Variants in ENOX1 observed in about 807,000 individuals in gnomAD.
ENOX1 encodes ecto-NOX disulfide-thiol exchanger 1.
ENOX1 carries 42 observed loss-of-function variants against 82.5 expected under a neutral mutation model. That is an observed-to-expected ratio of 0.51 (90% CI 0.40 to 0.66). ENOX1 has a LOEUF of 0.66. ENOX1 is among the 30% of genes least tolerant of loss of function. The pLI is 0.00. For missense variants in ENOX1, 608 were observed against 811.6 expected (o/e 0.75, Z 3.05); for synonymous variants, 271 against 282.2 (o/e 0.96, Z 0.40).
At chr13:43,506,549 T>A (rs561118687) in intron 2 of ENOX1, among the ~76,000 whole-genome samples, 1 of 135,354 alleles carries the variant, frequency 7.4e-6, no homozygotes, top group African/African-American at 2.7e-5. Flanking sequence ...ATGTTTATTG[T>A]GGCACTATTC....
intron 1 of ENOX1, among the ~76,000 whole-genome samples, chr13:43,700,318 G>A (rs2086846994): frequency 6.6e-6 from 1 of 152,008 alleles, no homozygotes. Flanking sequence ...ATTTTCTTGG[G>A]TTTTCGAGAT....
intron 1 of ENOX1, among the ~76,000 whole-genome samples, chr13:43,708,470 A>G (rs1222786952): frequency 6.6e-6 from 1 of 152,156 alleles, no homozygotes; most frequent in African/African-American, 2.4e-5. Context: ...AAAACTTTTT[A>G]ATAAACTTTG....
intron 6 of ENOX1, among the ~76,000 whole-genome samples, 194 bp from the exon 7 acceptor site, chr13:43,360,251 T>G (rs554390252): frequency 1.3e-5 from 2 of 152,330 alleles, no homozygotes; most frequent in South Asian, 4.1e-4. Flanking sequence ...CTTTACTTTC[T>G]GTGTTCATTG....
rs149442053 is a variant in ENOX1 at position 43,761,929 on chromosome 13, T to C, written c.-285+24723A>G. Among the ~76,000 whole-genome samples, 336 of 152,320 alleles carry C rather than the reference T, an allele frequency of 2.2e-3. 3 individuals carry two copies. The highest frequency in any genetic ancestry group is 7.8e-3 in the African/African-American group (323 of 41,580). On this transcript the variant is annotated intron_variant, in intron 1 of 16. Transcript: ENST00000690772. ...TCTCTAGGGTCATGCTGCCTCCTCC[T>C]ACAAATATAATTAATGCATATTCTC...
intron 2 of ENOX1, among the ~76,000 whole-genome samples, chr13:43,611,685 T>C (rs1594090184): frequency 6.6e-6 from 1 of 152,358 alleles, no homozygotes; most frequent in East Asian, 1.9e-4. Flanking sequence ...TTATTTCTAA[T>C]GCATTCTGGC....
chr13:43,739,560 A>AATT (rs10596810), intron 1 of ENOX1, among the ~76,000 whole-genome samples: 2 of 150,290 alleles, frequency 1.3e-5, no homozygotes, highest in African/African-American at 4.9e-5. Flanking sequence ...AAATAATAAT[A>AATT]ATTATTATTA....
At chr13:43,584,693 T>C (rs911646515) in intron 2 of ENOX1, among the ~76,000 whole-genome samples, 6 of 152,200 alleles carry the variant, frequency 3.9e-5, no homozygotes, top group Admixed American at 1.3e-4. Flanking sequence ...TCATTCTGAA[T>C]ACAAGAGTTC....
At chr13:43,416,688 G>A (rs939899575) in intron 3 of ENOX1, among the ~76,000 whole-genome samples, 2 of 148,726 alleles carry the variant, frequency 1.3e-5, no homozygotes, top group Non-Finnish European at 1.5e-5. Context: ...CTTCCCAGAT[G>A]GGGTGGCGGC....
chr13:43,309,955 G>A (rs1167778226), intron 11 of ENOX1, among the ~76,000 whole-genome samples: 2 of 152,154 alleles, frequency 1.3e-5, no homozygotes, highest in African/African-American at 4.8e-5. Flanking sequence ...TGTAATCCCA[G>A]CACTTTGGGA....
intron 2 of ENOX1, among the ~76,000 whole-genome samples, chr13:43,600,616 GAA>G (rs2081666664): frequency 1.3e-5 from 2 of 152,170 alleles, no homozygotes; most frequent in Admixed American, 1.3e-4. Context: ...CTAACAGGAA[GAA>G]CACAAACTTG....
At chr13:43,564,186 G>A (rs2079814990) in intron 2 of ENOX1, among the ~76,000 whole-genome samples, 1 of 152,036 alleles carries the variant, frequency 6.6e-6, no homozygotes, top group Non-Finnish European at 1.5e-5. Context: ...AATCATTAAT[G>A]AAATTGAAGA....
chr13:43,625,548 A>C (rs2082927444), intron 2 of ENOX1, among the ~76,000 whole-genome samples: 1 of 151,992 alleles, frequency 6.6e-6, no homozygotes, highest in Non-Finnish European at 1.5e-5. Context: ...AATTTTCATC[A>C]TAAATAAGTG....
At chr13:43,431,010 A>G (rs192483280) in intron 3 of ENOX1, among the ~76,000 whole-genome samples, 23 of 150,972 alleles carry the variant, frequency 1.5e-4, no homozygotes, top group African/African-American at 5.6e-4. Flanking sequence ...AAGCTTCCCT[A>G]TTTGCAAACT....
intron 2 of ENOX1, among the ~76,000 whole-genome samples, chr13:43,538,296 G>A (rs1040989553): frequency 2.0e-5 from 3 of 152,152 alleles, no homozygotes; most frequent in Non-Finnish European, 4.4e-5. Flanking sequence ...GGAATGGTAT[G>A]TCACAGGTCT....
chr13:43,576,822 G>A (rs2080448223), intron 2 of ENOX1, among the ~76,000 whole-genome samples: 1 of 152,092 alleles, frequency 6.6e-6, no homozygotes, highest in Non-Finnish European at 1.5e-5. Flanking sequence ...ACTCCATGAG[G>A]GCAGGAAAAT....
chr13:43,324,670 G>A (rs765218918), intron 10 of ENOX1, among the ~76,000 whole-genome samples: 2 of 152,184 alleles, frequency 1.3e-5, no homozygotes, highest in African/African-American at 2.4e-5. Flanking sequence ...ACCCTTCGCA[G>A]GAGCACCTTT....
intron 2 of ENOX1, among the ~76,000 whole-genome samples, chr13:43,577,548 C>T (rs576335024): frequency 3.2e-4 from 48 of 152,188 alleles, no homozygotes; most frequent in African/African-American, 1.0e-3. Context: ...CCTCATGTGG[C>T]GGAAAAGACA....
intron 1 of ENOX1, among the ~76,000 whole-genome samples, chr13:43,684,641 G>C (rs2085970855): frequency 2.0e-5 from 3 of 152,112 alleles, no homozygotes; most frequent in South Asian, 4.1e-4. Flanking sequence ...CATCTCTGAG[G>C]ACTATCGCCC....
At chr13:43,591,014 G>A (rs2081224841) in intron 2 of ENOX1, among the ~76,000 whole-genome samples, 1 of 152,168 alleles carries the variant, frequency 6.6e-6, no homozygotes, top group Non-Finnish European at 1.5e-5. Flanking sequence ...ATGTTGACAA[G>A]AGCACAGAGT....
Sources: gnomAD v4.1 joint callset for allele counts (sites outside exome capture counted in the v4.1 genomes callset) on GRCh38, gnomAD v4.1.1 for gene constraint, MANE v1.5 for transcripts, NCBI Gene and HGNC (gene_info 2026-07-23, HGNC 2026-07-21) for gene names.